RORA: variants seen among roughly 807,000 people sequenced by gnomAD.
The protein encoded by RORA is nuclear receptor ROR-alpha.
A neutral mutation model predicts 69.5 loss-of-function variants in RORA; 7 were observed. The ratio of observed to expected loss-of-function variants is 0.10; its 90% CI spans 0.06 to 0.19. RORA has a LOEUF of 0.19. Among genes scored for constraint, RORA ranks in the 10% least tolerant of loss-of-function variants. The probability of loss-of-function intolerance (pLI) is 1.00; values close to 1 mark genes in which losing one functional copy is unlikely to be tolerated. For synonymous variants in RORA, 261 were observed against 240.8 expected (o/e 1.08, Z -0.78); for missense variants, 457 against 663.0 (o/e 0.69, Z 3.41).
intron 2 of RORA, among the ~76,000 whole-genome samples, chr15:60,639,957 C>T (rs575364724): frequency 4.6e-5 from 7 of 152,264 alleles, no homozygotes; most frequent in Non-Finnish European, 1.0e-4. Flanking sequence ...GAGTTTCTCC[C>T]CTATCATTGC....
At chr15:60,828,144 T>C (rs1188275194) in intron 1 of RORA, among the ~76,000 whole-genome samples, 1 of 152,022 alleles carries the variant, frequency 6.6e-6, no homozygotes, top group Non-Finnish European at 1.5e-5. Flanking sequence ...AGCTGACACT[T>C]GAGGAGACAG....
intron 1 of RORA, among the ~76,000 whole-genome samples, chr15:61,001,666 T>A (rs1248057456): frequency 6.6e-6 from 1 of 152,146 alleles, no homozygotes; most frequent in African/African-American, 2.4e-5. Context: ...GAAGCCAACA[T>A]GGTAACTGTG....
chr15:61,082,850 G>T (rs1377734066), intron 1 of RORA, among the ~76,000 whole-genome samples: 1 of 152,124 alleles, frequency 6.6e-6, no homozygotes, highest in African/African-American at 2.4e-5. Flanking sequence ...TAATTGATTT[G>T]ATCTGTTTAA....
intron 1 of RORA, among the ~76,000 whole-genome samples, chr15:61,055,824 C>T (rs1227963645): frequency 1.3e-5 from 2 of 152,174 alleles, no homozygotes; most frequent in Non-Finnish European, 2.9e-5. Flanking sequence ...AGAAAAGTGC[C>T]TTTAAATAAT....
At chr15:60,823,705 T>G (rs1188436558) in intron 1 of RORA, among the ~76,000 whole-genome samples, 1 of 152,220 alleles carries the variant, frequency 6.6e-6, no homozygotes, top group African/African-American at 2.4e-5. Flanking sequence ...AAGTTTAGCT[T>G]ACTGGAGTAG....
intron 1 of RORA, among the ~76,000 whole-genome samples, chr15:60,950,608 T>A: frequency 1.6e-5 from 2 of 126,494 alleles, no homozygotes; most frequent in Admixed American, 8.5e-5. Flanking sequence ...ACCAAGCAAA[T>A]GGAAAACAAA....
At chr15:61,183,551 G>GA (rs1488951867) in intron 1 of RORA, among the ~76,000 whole-genome samples, 3 of 149,026 alleles carry the variant, frequency 2.0e-5, no homozygotes, top group East Asian at 2.0e-4. Flanking sequence ...AAAAAAAAAG[G>GA]AAAAAAACTG....
intron 1 of RORA, among the ~76,000 whole-genome samples, chr15:60,941,619 C>G (rs1337122298): frequency 6.6e-6 from 1 of 152,220 alleles, no homozygotes; most frequent in Admixed American, 6.5e-5. Flanking sequence ...TGGAAGATCT[C>G]CAGTGTACTT....
In RORA at chr15:60,491,536, AT is replaced by A. The variant is rs1360167122; in HGVS notation, c.*5918del. ...AAGGTTGTTTCTATTTGGATTGAATATTCTGTCATTCATTTATAAATAAATG... is the reference window on the plus strand; with the variant it reads ...AAGGTTGTTTCTATTTGGATTGAATATCTGTCATTCATTTATAAATAAATG... On this transcript the variant is annotated 3_prime_UTR_variant, in exon 11 of 11. Transcript: ENST00000335670. 1 of 152,026 alleles carries A rather than the reference AT, an allele frequency of 6.6e-6. No homozygotes were observed. The highest frequency in any genetic ancestry group is 1.5e-5 in the Non-Finnish European group (1 of 67,976). The allele number at this position is 152,026 out of a possible 1,614,324, so 9.4% of individuals were successfully genotyped here.
chr15:60,765,669 C>T (rs979466821), intron 1 of RORA: 1 of 152,142 alleles, frequency 6.6e-6, no homozygotes, highest in Non-Finnish European at 1.5e-5. Context: ...TTCCACTTTC[C>T]TCCTCACTGC....
chr15:60,641,459 G>C (rs1381145973), intron 2 of RORA, among the ~76,000 whole-genome samples: 2 of 151,950 alleles, frequency 1.3e-5, no homozygotes, highest in African/African-American at 4.8e-5. Flanking sequence ...GCCCAGACTG[G>C]AGTGCAATGG....
intron 2 of RORA, among the ~76,000 whole-genome samples, chr15:60,636,275 G>C (rs1019377548): frequency 2.6e-5 from 4 of 152,140 alleles, no homozygotes; most frequent in Non-Finnish European, 5.9e-5. Context: ...TCTATTCCTA[G>C]AAAGAGGTAG....
chr15:61,199,843 C>A (rs2079878730), intron 1 of RORA, among the ~76,000 whole-genome samples: 1 of 152,146 alleles, frequency 6.6e-6, no homozygotes, highest in African/African-American at 2.4e-5. Context: ...TTTCAGGATT[C>A]CCCAGGCTTG....
intron 3 of RORA, among the ~76,000 whole-genome samples, chr15:60,516,153 ATATATATTT>A (rs2065920455): frequency 3.2e-5 from 1 of 31,572 alleles, no homozygotes; most frequent in East Asian, 1.8e-3. Flanking sequence ...ATATTTATAT[ATATATATTT>A]ATATATATAT....
intron 1 of RORA, among the ~76,000 whole-genome samples, chr15:61,036,339 T>C (rs1292385790): frequency 2.0e-5 from 3 of 152,152 alleles, no homozygotes; most frequent in African/African-American, 4.8e-5. Context: ...TTGTTGCTAT[T>C]AGATTGCTTC....
intron 2 of RORA, among the ~76,000 whole-genome samples, chr15:60,572,323 A>C (rs1595994263): frequency 6.6e-6 from 1 of 152,366 alleles, no homozygotes; most frequent in Non-Finnish European, 1.5e-5. Context: ...GAACCCCATA[A>C]GAAACCTACC....
intron 1 of RORA, among the ~76,000 whole-genome samples, chr15:61,117,812 T>C (rs749946463): frequency 3.9e-5 from 6 of 152,234 alleles, no homozygotes; most frequent in Non-Finnish European, 5.9e-5. Flanking sequence ...TAATTTTTGA[T>C]GCTGTAAAAT....
intron 1 of RORA, among the ~76,000 whole-genome samples, chr15:61,170,686 T>C (rs2079577575): frequency 6.6e-6 from 1 of 152,212 alleles, no homozygotes; most frequent in African/African-American, 2.4e-5. Context: ...TCCTGGCACA[T>C]TGTAAGTGCT....
intron 1 of RORA, among the ~76,000 whole-genome samples, chr15:60,818,398 T>C (rs760144763): frequency 6.6e-6 from 1 of 152,206 alleles, no homozygotes; most frequent in Non-Finnish European, 1.5e-5. Context: ...TTATTCCTCA[T>C]ACCTTATTAG....
Sources: gnomAD v4.1 joint callset for allele counts (sites outside exome capture counted in the v4.1 genomes callset) on GRCh38, gnomAD v4.1.1 for gene constraint, MANE v1.5 for transcripts, NCBI Gene and HGNC (gene_info 2026-07-23, HGNC 2026-07-21) for gene names.